The following OPRM1 variants were observed in gnomAD, a reference collection of about 807,000 sequenced individuals.
OPRM1 encodes the protein mu-type opioid receptor.
A neutral mutation model predicts 31.8 loss-of-function variants in OPRM1; 27 were observed. The observed-to-expected ratio is 0.85, with a 90% CI of 0.63 to 1.17. The LOEUF is 1.17. Among genes scored for constraint, OPRM1 ranks in the 50% most tolerant of loss-of-function variants. OPRM1 has a pLI of 0.00. For synonymous variants in OPRM1, 196 were observed against 189.9 expected, an observed-to-expected ratio of 1.03 and a Z score of -0.26; for missense variants, 536 against 511.1, an observed-to-expected ratio of 1.05 and a Z score of -0.47.
intron 1 of OPRM1, among the ~76,000 whole-genome samples, chr6:154,032,973 G>C (rs1021690853): frequency 3.9e-5 from 6 of 152,190 alleles, no homozygotes; most frequent in Non-Finnish European, 8.8e-5. Context: ...AACAGAGCTA[G>C]AGATGTAGGT....
chr6:154,239,613 T>G (rs1473643148), intron 3 of OPRM1, among the ~76,000 whole-genome samples: 3 of 152,166 alleles, frequency 2.0e-5, no homozygotes, highest in Admixed American at 2.0e-4. Context: ...CATTCCACCT[T>G]CTCATTCTCC....
chr6:154,037,503 C>A (rs17180961), upstream of OPRM1, among the ~76,000 whole-genome samples: 2,489 of 152,024 alleles, frequency 0.016, 35 homozygotes, highest in Non-Finnish European at 0.027. Context: ...AGTTTCAGAG[C>A]AGATAGACAA....
At chr6:154,243,731 TG>T (rs1422897234) in intron 3 of OPRM1, among the ~76,000 whole-genome samples, 8 of 152,344 alleles carry the variant, frequency 5.3e-5, no homozygotes, top group African/African-American at 1.9e-4. Context: ...ATTGGCATGC[TG>T]TAAGTCATGG....
chr6:154,184,150 A>G (rs1008119332), intron 3 of OPRM1, among the ~76,000 whole-genome samples: 1 of 151,798 alleles, frequency 6.6e-6, no homozygotes, highest in Admixed American at 6.6e-5. Context: ...TGCTTGGTCC[A>G]AGGGCAAGTA....
At chr6:154,154,620 C>G (rs958027745) in intron 3 of OPRM1, 2 of 152,210 alleles carry the variant, frequency 1.3e-5, no homozygotes, top group Admixed American at 6.5e-5. Context: ...TAAACACTTC[C>G]AGCCACATGT....
intron 3 of OPRM1, among the ~76,000 whole-genome samples, chr6:154,163,469 T>C (rs2128549673): frequency 6.6e-6 from 1 of 152,358 alleles, no homozygotes; most frequent in African/African-American, 2.4e-5. Flanking sequence ...TATCCCCTTT[T>C]CTATTCTTTA....
rs895256039 is a variant in OPRM1, at chr6:154,120,206, C to T, written c.*1485C>T. 6.6e-6 allele frequency among the ~76,000 whole-genome samples: 1 copy of T among 152,088 alleles called. No homozygotes were observed. On this transcript the variant is annotated 3_prime_UTR_variant, in exon 4 of 4. Coordinates refer to ENST00000330432, the MANE Select transcript of OPRM1 (RefSeq NM_000914.5). ...GCCTACAATTGTAAAATTGTAGACTCCATTGTAAAATTTGTATTTTTTCAT... is the reference window on the plus strand; with the variant it reads ...GCCTACAATTGTAAAATTGTAGACTTCATTGTAAAATTTGTATTTTTTCAT...
chr6:154,099,510 G>A (rs1370443018), intron 3 of OPRM1, among the ~76,000 whole-genome samples: 3 of 149,314 alleles, frequency 2.0e-5, no homozygotes, highest in African/African-American at 5.0e-5. Flanking sequence ...GAAAGAGGAA[G>A]GAAAGAATGA....
intron 3 of OPRM1, among the ~76,000 whole-genome samples, chr6:154,169,841 CCAAGGAGA>C (rs1799734150): frequency 1.3e-5 from 2 of 152,192 alleles, no homozygotes; most frequent in Admixed American, 1.3e-4. Context: ...CCATTTGGGG[CCAAGGAGA>C]CTCAGTTCCA....
intron 3 of OPRM1, among the ~76,000 whole-genome samples, chr6:154,209,312 A>G (rs1777766057): frequency 1.3e-5 from 2 of 152,218 alleles, no homozygotes; most frequent in South Asian, 4.1e-4. Flanking sequence ...AGTCATCGCT[A>G]GCCTATACTG....
intron 3 of OPRM1, among the ~76,000 whole-genome samples, chr6:154,232,950 A>AAT (rs1779834470): frequency 6.6e-6 from 1 of 151,962 alleles, no homozygotes; most frequent in Non-Finnish European, 1.5e-5. Flanking sequence ...ATTAATGTAA[A>AAT]ATAAGCCTTT....
At chr6:154,233,614 CA>C (rs1358253757) in intron 3 of OPRM1, among the ~76,000 whole-genome samples, 4 of 152,142 alleles carry the variant, frequency 2.6e-5, no homozygotes, top group Admixed American at 6.5e-5. Context: ...ATTATAAAAA[CA>C]GATGGAAAGA....
chr6:154,132,840 G>A (rs559497421), downstream of OPRM1, among the ~76,000 whole-genome samples: 79 of 152,290 alleles, frequency 5.2e-4, no homozygotes, highest in South Asian at 7.0e-3. Context: ...AGAAAAAAAC[G>A]GCTGGGCGTG....
intron 1 of OPRM1, 34 bp from the exon 2 acceptor site, chr6:154,089,792 T>C (rs751800598): frequency 8.9e-6 from 13 of 1,465,878 alleles, no homozygotes; most frequent in Non-Finnish European, 1.2e-5. Flanking sequence ...TAGTGTCTTT[T>C]ACTGATTCTC....
At chr6:154,067,697 C>G (rs1785745276) in intron 1 of OPRM1, among the ~76,000 whole-genome samples, 1 of 151,970 alleles carries the variant, frequency 6.6e-6, no homozygotes, top group South Asian at 2.1e-4. Flanking sequence ...TGTAAGTCCT[C>G]TATTTCCTTA....
chr6:154,036,153 G>T (rs1050161607), upstream of OPRM1, among the ~76,000 whole-genome samples: 2 of 151,910 alleles, frequency 1.3e-5, no homozygotes, highest in African/African-American at 4.8e-5. Flanking sequence ...TTGAAATTGA[G>T]GTGCTTTTAT....
chr6:154,203,653 C>A (rs978269409), intron 3 of OPRM1, among the ~76,000 whole-genome samples: 10 of 152,074 alleles, frequency 6.6e-5, no homozygotes, highest in South Asian at 2.1e-4. Context: ...GGAACTAAAC[C>A]CCCACAGATA....
chr6:154,177,482 AT>A (rs1800437745), intron 3 of OPRM1, among the ~76,000 whole-genome samples: 1 of 152,250 alleles, frequency 6.6e-6, no homozygotes, highest in Non-Finnish European at 1.5e-5. Flanking sequence ...GGCAAAGGAC[AT>A]GAACAGACAC....
intron 1 of OPRM1, among the ~76,000 whole-genome samples, chr6:154,079,651 G>A (rs1178646254): frequency 1.3e-5 from 2 of 152,132 alleles, no homozygotes; most frequent in Admixed American, 6.6e-5. Context: ...ATTAAAAGTT[G>A]ACAAATACCA....
Sources: gnomAD v4.1 joint callset for allele counts (sites outside exome capture counted in the v4.1 genomes callset) on GRCh38, gnomAD v4.1.1 for gene constraint, MANE v1.5 for transcripts, NCBI Gene and HGNC (gene_info 2026-07-23, HGNC 2026-07-21) for gene names.